CEP131: variants seen among roughly 807,000 people sequenced by gnomAD.
The protein encoded by CEP131 is centrosomal protein of 131 kDa.
A neutral mutation model predicts 136.8 loss-of-function variants in CEP131; 99 were observed. The ratio of observed to expected loss-of-function variants is 0.72; its 90% confidence interval spans 0.62 to 0.86. The LOEUF (loss-of-function observed/expected upper bound fraction) is 0.86. Ranked by LOEUF, CEP131 falls within the 40% of genes least tolerant of loss-of-function variation. The pLI is 0.00. For synonymous variants in CEP131, 646 were observed against 612.7 expected (o/e 1.05, Z -0.80); for missense variants, 1,459 against 1,463.0 (o/e 1.00, Z 0.04).
In CEP131 at chr17:81,199,444, C is replaced by T. The variant is rs767611060; in HGVS notation, c.1129G>A (p.Ala377Thr). 6.2e-7 allele frequency: 1 copy of T among 1,607,676 alleles called. No individual in the cohort carries two copies. Among genetic ancestry groups the T allele is most frequent in the South Asian group, 1.1e-5 (1 of 89,978 alleles). The change falls in exon 10 of 26, where the codon GCT becomes ACT. Residue 377 changes from alanine to threonine, a missense_variant. By Grantham distance (58) the Ala-to-Thr change is moderately conservative (BLOSUM62 0). Coordinates refer to ENST00000450824, the MANE Select transcript of CEP131 (RefSeq NM_014984.4). Reference protein sequence around the residue: ...ETRVPGMRQPAQELSPTPGGT... With the variant: ...ETRVPGMRQPTQELSPTPGGT... ...CCTGGTGTGGGGGACAGCTCCTGAG[C>T]AGGCTGCCGCATTCCTGGCACTCTG...
chr17:81,199,099 G>A lies in CEP131; in HGVS notation c.1193-128C>T, dbSNP rs566878509. The A allele has an allele frequency of 3.2e-4, 292 of 921,800 alleles. 1 individual carries two copies. Among genetic ancestry groups the A allele is most frequent in the Non-Finnish European group, 4.1e-4 (260 of 630,744 alleles). The allele number at this position is 921,800 out of a possible 1,614,324, so 57.1% of individuals were successfully genotyped here. A position where few individuals can be genotyped will look rare whatever the true frequency, so the allele number is the denominator to read the frequency against. On this transcript the variant is annotated intron_variant, in intron 10 of 25. Transcript: ENST00000450824. ...CGACCCCAGAAGCAGAGGAGCCGCT[G>A]GGGAGCCACGGCCTTCTGGGTGTGG...
At position 81,220,052 on chromosome 17, in the gene CEP131, T is replaced by C; in HGVS notation, c.5A>G (p.Lys2Arg). M[K>R]GTRAIGSVPE... The stretch of plus-strand genomic sequence containing the variant: ...GACGCTGCCGATGGCCCGGGTGCCT[T>C]TCATGGTGGACAAGGCAGGTCCTGA... Residue 2 changes from lysine to arginine, a missense_variant, in exon 2 of 26, where the codon AAA becomes AGA. Around this residue, in one of 3 missense-constraint regions of CEP131, gnomAD observed 187 missense variants for 179.9 expected, o/e 1.04. Transcript: ENST00000450824. The C allele has an allele frequency of 1.3e-6, 2 of 1,580,312 alleles. No individual in the cohort carries two copies. The highest frequency in any genetic ancestry group is 1.7e-6 in the Non-Finnish European group (2 of 1,164,782).
Position 81,189,812 on chromosome 17 carries a change from T to C in CEP131, c.3200A>G (p.Glu1067Gly), listed in dbSNP as rs1411156514. The C allele has an allele frequency of 6.2e-7, 1 of 1,611,302 alleles. No individual in the cohort carries two copies. Among genetic ancestry groups the C allele is most frequent in the African/African-American group, 1.3e-5 (1 of 74,998 alleles). Reference protein sequence around the residue: ...AAVKRADHLEELLEQHRRPTP... With the variant: ...AAVKRADHLEGLLEQHRRPTP... ...GGGCCTCCTGTGCTGCTCCAGCAGC[T>C]CCTCCAGGTGGTCGGCCCGCTTCAC... The change falls in exon 26 of 26, where the codon GAG becomes GGG. Residue 1067 changes from glutamate (E) to glycine (G), a missense_variant. This residue lies in a region of CEP131 where 1,026 missense variants were observed against 964.2 expected (regional missense o/e 1.06). Coordinates refer to ENST00000450824, the MANE Select transcript of CEP131 (RefSeq NM_014984.4).
intron 10 of CEP131, among the ~76,000 whole-genome samples, 187 bp downstream of exon 10, chr17:81,199,194 C>T (rs532232770): frequency 6.6e-6 from 1 of 152,152 alleles, no homozygotes; most frequent in Non-Finnish European, 1.5e-5. Context: ...ACGTCCAGGA[C>T]CATTTGATTG....
Position 81,197,024 on chromosome 17 carries a change from A to T in CEP131, c.1679T>A (p.Leu560Gln), listed in dbSNP as rs1198072036. ...CGTGCTCACCTCGGACCCCAGCTCC[A>T]GGGGCCCCGGCCCCGCCTCCGGCAC... ...GWVPEAGPGP[L>Q]ELGSEVSTSV... Residue 560 changes from leucine to glutamine, a missense_variant, in exon 14 of 26, where the codon CTG becomes CAG. Transcript: ENST00000450824. 1 of 1,592,566 alleles carries T rather than the reference A, an allele frequency of 6.3e-7. No homozygotes were observed. The highest frequency in any genetic ancestry group is 1.1e-5 in the South Asian group (1 of 88,284).
chr17:81,206,741 T>C lies in CEP131; in HGVS notation c.515+3A>G, dbSNP rs371521449. 1.2e-6 allele frequency: 2 copies of C among 1,612,548 alleles called. No individual in the cohort carries two copies. The highest frequency in any genetic ancestry group is 1.7e-6 in the Non-Finnish European group (2 of 1,179,116). Reference sequence around the variant, plus strand: ...CCGTCGTGGGCACCTGCACAGGTCGTACCTGTTGTTAGCAGTGAAGTTGGG... The same window carrying C: ...CCGTCGTGGGCACCTGCACAGGTCGCACCTGTTGTTAGCAGTGAAGTTGGG... On this transcript the variant is annotated splice_donor_region_variant and intron_variant, in intron 5 of 25. Transcript: ENST00000450824.
chr17:81,190,885 C>A (rs1310577336), intron 23 of CEP131, 22 bp downstream of exon 23: 1 of 1,596,100 alleles, frequency 6.3e-7, no homozygotes, highest in African/African-American at 1.3e-5. Context: ...GCCCACTGCC[C>A]ACCTGACACC....
intron 21 of CEP131, among the ~76,000 whole-genome samples, chr17:81,191,991 TC>T (rs1445411258): frequency 6.6e-6 from 1 of 152,024 alleles, no homozygotes; most frequent in Non-Finnish European, 1.5e-5. Context: ...GTTGTGCGTG[TC>T]CCTCTCGGTA....
At chr17:81,195,754 T>C (rs1250834579) in intron 16 of CEP131, 81 bp downstream of exon 16, 9 of 1,260,482 alleles carry the variant, frequency 7.1e-6, no homozygotes, top group Non-Finnish European at 9.0e-6. Context: ...CCAAGTCCGG[T>C]CCTGTTCTGG....
At chr17:81,198,821 G>C in intron 11 of CEP131, 56 bp downstream of exon 11, 1 of 1,509,484 alleles carries the variant, frequency 6.6e-7, no homozygotes, top group African/African-American at 1.4e-5. Context: ...CCCTGGCACA[G>C]ACATGGCCCT....
intron 7 of CEP131, 42 bp downstream of exon 7, chr17:81,202,198 T>C: frequency 1.0e-6 from 1 of 985,416 alleles, no homozygotes; most frequent in Non-Finnish European, 1.4e-6. Flanking sequence ...CACCTCTGTG[T>C]TCTAGGCTCA....
rs559814973 is a variant in CEP131, at chr17:81,191,281, G to A, written c.2677C>T (p.Arg893Trp). 54 of 1,613,458 alleles carry A rather than the reference G, an allele frequency of 3.3e-5. No individual in the cohort carries two copies. Among genetic ancestry groups the A allele is most frequent in the East Asian group, 8.9e-5 (4 of 44,872 alleles). The change falls in exon 22 of 26, where the codon CGG becomes TGG. Residue 893 changes from arginine to tryptophan, a missense_variant. Coordinates refer to ENST00000450824, the MANE Select transcript of CEP131 (RefSeq NM_014984.4). ...ATGACCAGCTCAATCTCCTTGTCCC[G>A]GCCTTTCCGGATTTCTTCCCTCAGC... ...QELREEIRKG[R>W]DKEIELVIHR...
chr17:81,199,344 A>G, intron 10 of CEP131, 37 bp downstream of exon 10: 1 of 1,553,730 alleles, frequency 6.4e-7, no homozygotes, highest in Non-Finnish European at 8.7e-7. Flanking sequence ...GCTGCAGTCC[A>G]CCCCCCAGAG....
chr17:81,209,464 C>A (rs1201268518), intron 2 of CEP131, among the ~76,000 whole-genome samples: 1 of 152,258 alleles, frequency 6.6e-6, no homozygotes, highest in Non-Finnish European at 1.5e-5. Flanking sequence ...GCAACCAAGA[C>A]CAGGTGCTGC....
rs150344397 is a variant in CEP131, at chr17:81,220,043, C to T, written c.14G>A (p.Arg5Gln). The change falls in exon 2 of 26, where the codon CGG (arginine) becomes CAG (glutamine). Residue 5 changes from arginine (R) to glutamine (Q), a missense_variant. Physicochemically the swap from Arg to Gln is conservative, Grantham distance 43. Coordinates refer to ENST00000450824, the MANE Select transcript of CEP131 (RefSeq NM_014984.4). ...GCGCTCCGGGACGCTGCCGATGGCC[C>T]GGGTGCCTTTCATGGTGGACAAGGC... MKGT[R>Q]AIGSVPERSP... The T allele has an allele frequency of 5.4e-5, 85 of 1,586,490 alleles. 1 individual carries two copies. The highest frequency in any genetic ancestry group is 4.2e-4 in the South Asian group (37 of 88,948).
chr17:81,196,052 G>A, intron 15 of CEP131, 101 bp from the exon 16 acceptor site: 1 of 952,178 alleles, frequency 1.1e-6, no homozygotes, highest in East Asian at 2.5e-5. Flanking sequence ...GCTAACAGCA[G>A]CCCTCCCCTG....
At chr17:81,201,994 G>A (rs934836654) in intron 7 of CEP131, among the ~76,000 whole-genome samples, 10 of 152,016 alleles carry the variant, frequency 6.6e-5, no homozygotes, top group Non-Finnish European at 1.0e-4. Context: ...CCAGCTACTC[G>A]GGAGGCTGAG....
intron 1 of CEP131, among the ~76,000 whole-genome samples, chr17:81,220,959 C>A (rs1321722098): frequency 6.6e-6 from 1 of 151,412 alleles, no homozygotes; most frequent in Admixed American, 6.6e-5. Flanking sequence ...CCCACCTCTA[C>A]TAAAAACTTC....
Position 81,219,712 on chromosome 17 carries a change from G to A in CEP131, c.177+168C>T, listed in dbSNP as rs149685963. Among the ~76,000 whole-genome samples, 85 of 152,298 alleles carry A rather than the reference G, an allele frequency of 5.6e-4. No individual in the cohort carries two copies. Among genetic ancestry groups the A allele is most frequent in the Non-Finnish European group, 8.5e-4 (58 of 68,024 alleles). ...GACTTTCTAGTGATTCAGCACCCAC[G>A]CCTGTAAGACTCAAGTCCTACCTGC... On this transcript the variant is annotated intron_variant, in intron 2 of 25. Coordinates refer to ENST00000450824, the MANE Select transcript of CEP131 (RefSeq NM_014984.4). The surrounding 1 kb of genome is among the most constrained non-coding windows in gnomAD (Gnocchi z 4.0).
Sources: allele counts gnomAD v4.1 joint callset (sites outside exome capture counted in the v4.1 genomes callset), GRCh38; gene constraint gnomAD v4.1.1; regional missense constraint gnomAD v4.1.1; non-coding constraint Gnocchi (gnomAD v3.1); transcripts MANE v1.5; gene names NCBI Gene and HGNC (gene_info 2026-07-23, HGNC 2026-07-21).